The following SEL1L3 variants were observed in gnomAD, a reference collection of about 807,000 sequenced individuals.
SEL1L3 encodes protein sel-1 homolog 3.
Under a neutral mutation model 142.8 loss-of-function variants are expected in SEL1L3, and 76 were observed. The observed-to-expected ratio is 0.53, with a 90% CI of 0.44 to 0.64. The LOEUF is 0.64. Ranked by LOEUF, SEL1L3 falls within the 30% of genes least tolerant of loss-of-function variation. SEL1L3 has a pLI of 0.00. For synonymous variants in SEL1L3, 504 were observed against 519.6 expected (o/e 0.97, Z 0.41); for missense variants, 1,262 against 1,381.7 (o/e 0.91, Z 1.37).
intron 23 of SEL1L3, among the ~76,000 whole-genome samples, chr4:25,753,755 A>C (rs1717756999): frequency 6.6e-6 from 1 of 152,102 alleles, no homozygotes; most frequent in Non-Finnish European, 1.5e-5. Flanking sequence ...AGTCCAAGGC[A>C]GGTAGATCCC....
At chr4:25,716,296 A>G in the SEL1L3 span, among the ~76,000 whole-genome samples, 21 of 152,300 alleles carry the variant, frequency 1.4e-4, no homozygotes, top group Admixed American at 5.9e-4. Context: ...GAAACTATAT[A>G]TTAAAATGAG....
the SEL1L3 span, among the ~76,000 whole-genome samples, chr4:25,733,274 T>C: frequency 6.6e-6 from 1 of 152,112 alleles, no homozygotes; most frequent in Non-Finnish European, 1.5e-5. Context: ...ATCTCCATTT[T>C]ATTTAGGTTT....
chr4:25,858,578 TTG>T lies in SEL1L3; in HGVS notation c.162+4095_162+4096del, dbSNP rs1227016819. 2.6e-4 allele frequency among the ~76,000 whole-genome samples: 37 copies of T among 143,480 alleles called. No individual in the cohort carries two copies. In the East Asian group the frequency reaches 6.3e-3, roughly 24 times the overall value. The allele number at this position is 143,480 out of a possible 152,430, so 94.1% of individuals were successfully genotyped here. On this transcript the variant is annotated intron_variant, in intron 1 of 23. Transcript: ENST00000399878. ...TTTGTTTTTGTTTTTTTTGATTTTT[TTG>T]TTTGTTTGTTTGTTTGTTTGTTTTG...
intron 1 of SEL1L3, among the ~76,000 whole-genome samples, chr4:25,857,374 G>T (rs1401173340): frequency 6.6e-6 from 1 of 152,168 alleles, no homozygotes; most frequent in African/African-American, 2.4e-5. Flanking sequence ...TATTTAATAT[G>T]CTGTTTCTTC....
At chr4:25,827,525 T>G (rs538375956) in intron 6 of SEL1L3, among the ~76,000 whole-genome samples, 1 of 152,330 alleles carries the variant, frequency 6.6e-6, no homozygotes, top group African/African-American at 2.4e-5. Flanking sequence ...ATCTTGGACC[T>G]CTGCCCTCTA....
the SEL1L3 span, among the ~76,000 whole-genome samples, chr4:25,715,478 G>A: frequency 2.0e-4 from 30 of 152,180 alleles, no homozygotes; most frequent in African/African-American, 7.2e-4. Context: ...ATGCTGTGGG[G>A]AGCAAATTTT....
At chr4:25,822,247 GT>G in intron 6 of SEL1L3, 119 bp from the exon 7 acceptor site, 1 of 1,205,972 alleles carries the variant, frequency 8.3e-7, no homozygotes, top group East Asian at 2.4e-5. Context: ...TTCACTCTGA[GT>G]TTTAGCAGAT....
chr4:25,735,730 C>A, the SEL1L3 span, among the ~76,000 whole-genome samples: 1 of 151,022 alleles, frequency 6.6e-6, no homozygotes, highest in African/African-American at 2.4e-5. Flanking sequence ...TCTTTTTAAA[C>A]CCAGAGACAG....
the SEL1L3 span, among the ~76,000 whole-genome samples, chr4:25,733,061 TTA>T: frequency 7.2e-6 from 1 of 138,070 alleles, no homozygotes; most frequent in Non-Finnish European, 1.6e-5. Flanking sequence ...TCTAACTTTG[TTA>T]TTTTTTTTTT....
In SEL1L3 at chr4:25,748,280, T is replaced by A. The variant is rs1011555164; in HGVS notation, c.*145A>T. The A allele has an allele frequency of 6.5e-6, 5 of 765,650 alleles. No homozygotes were observed. Among genetic ancestry groups the A allele is most frequent in the South Asian group, 1.9e-5 (1 of 52,038 alleles). 47.4% of individuals were successfully genotyped at this position (765,650 alleles called of 1,614,324 possible). On this transcript the variant is annotated 3_prime_UTR_variant, in exon 24 of 24. Transcript: ENST00000399878. ...TGGGTACTTCCTTGTAATTTGACTT[T>A]AAAAAAAATGACACCAATTGCAAAA...
Position 25,862,952 on chromosome 4 carries a change from A to G in SEL1L3, c.-116T>C, listed in dbSNP as rs941333882. On this transcript the variant is annotated 5_prime_UTR_variant, in exon 1 of 24. Transcript: ENST00000399878. Reference sequence around the variant, plus strand: ...CGGGCCGGCCGCCGCGCGCGGGGCCACCTGCCGCCACCTCCGGACCCGCCG... The same window carrying G: ...CGGGCCGGCCGCCGCGCGCGGGGCCGCCTGCCGCCACCTCCGGACCCGCCG... 1.6e-6 allele frequency: 1 copy of G among 607,504 alleles called. No homozygotes were observed. The highest frequency in any genetic ancestry group is 2.9e-5 in the African/African-American group (1 of 34,924). The allele number at this position is 607,504 out of a possible 1,614,324, so 37.6% of individuals were successfully genotyped here.
chr4:25,774,797 A>T (rs1719491356), intron 17 of SEL1L3, among the ~76,000 whole-genome samples: 1 of 152,220 alleles, frequency 6.6e-6, no homozygotes, highest in Non-Finnish European at 1.5e-5. Flanking sequence ...GTGAGCCAAG[A>T]TCGTGCCACT....
intron 1 of SEL1L3, among the ~76,000 whole-genome samples, chr4:25,853,664 CTTTTTTTT>C (rs34922528): frequency 3.6e-5 from 3 of 83,006 alleles, no homozygotes; most frequent in African/African-American, 5.6e-5. Flanking sequence ...CTCTTCTTAC[CTTTTTTTT>C]TTTTTTTTTT....
chr4:25,787,352 GCT>G (rs1413239533), intron 13 of SEL1L3, among the ~76,000 whole-genome samples: 1 of 152,072 alleles, frequency 6.6e-6, no homozygotes, highest in East Asian at 1.9e-4. Flanking sequence ...ATGGAGTGTG[GCT>G]CTCTCACTCA....
chr4:25,741,524 C>T, the SEL1L3 span, among the ~76,000 whole-genome samples: 1 of 152,146 alleles, frequency 6.6e-6, no homozygotes, highest in Non-Finnish European at 1.5e-5. Flanking sequence ...TTTAGATTTT[C>T]TCCTTCCATG....
chr4:25,774,012 T>C (rs970805860), intron 17 of SEL1L3, among the ~76,000 whole-genome samples: 4 of 152,190 alleles, frequency 2.6e-5, no homozygotes, highest in African/African-American at 9.7e-5. Context: ...TGAGCTATAA[T>C]TGTTCCCTCT....
chr4:25,810,692 A>C (rs1378544038), intron 9 of SEL1L3, among the ~76,000 whole-genome samples: 1 of 152,178 alleles, frequency 6.6e-6, no homozygotes, highest in Non-Finnish European at 1.5e-5. Context: ...CGGAGTCCTG[A>C]ACGTGGGGTC....
At chr4:25,718,358 G>C in the SEL1L3 span, 1 of 152,144 alleles carries the variant, frequency 6.6e-6, no homozygotes, top group African/African-American at 2.4e-5. Context: ...GTAAGGCAAG[G>C]TTAGTAAGAT....
intron 11 of SEL1L3, among the ~76,000 whole-genome samples, chr4:25,802,008 C>CA (rs1327402109): frequency 6.6e-6 from 1 of 152,032 alleles, no homozygotes; most frequent in African/African-American, 2.4e-5. Flanking sequence ...CACTTTTTTG[C>CA]AAAATCAAAA....
Sources: allele counts gnomAD v4.1 joint callset (sites outside exome capture counted in the v4.1 genomes callset), GRCh38; gene constraint gnomAD v4.1.1; transcripts MANE v1.5; gene names NCBI Gene and HGNC (gene_info 2026-07-23, HGNC 2026-07-21).